HDAC4: variants seen among roughly 807,000 people sequenced by gnomAD.
The protein encoded by HDAC4 is histone deacetylase A.
Under a neutral mutation model 135.1 loss-of-function variants are expected in HDAC4, and 16 were observed. The ratio of observed to expected loss-of-function variants is 0.12; its 90% CI spans 0.08 to 0.18. The LOEUF is 0.18. HDAC4 is among the 10% of genes least tolerant of loss of function. The pLI, the probability that HDAC4 is intolerant of heterozygous loss-of-function variation, is 1.00. For missense variants in HDAC4, 1,143 were observed against 1,511.8 expected (o/e 0.76, Z 4.05); for synonymous variants, 685 against 653.4 (o/e 1.05, Z -0.74).
Position 239,299,290 on chromosome 2 carries a change from C to T in HDAC4, c.22+53388G>A, listed in dbSNP as rs184328982. ...AGAGTGAAAATGCCTCATGATTGGT[C>T]CATCCTGTACAATAGGTTTATTTGT... On this transcript the variant is annotated intron_variant, in intron 2 of 26. Transcript: ENST00000543185. The surrounding 1 kb of genome is among the most constrained non-coding windows in gnomAD (Gnocchi z 4.0). 1.6e-4 allele frequency among the ~76,000 whole-genome samples: 24 copies of T among 152,304 alleles called. 1 individual carries two copies. The East Asian group carries it at 4.4e-3, about 28-fold the overall frequency.
At chr2:239,172,277 C>G (rs1012711240) in intron 5 of HDAC4, among the ~76,000 whole-genome samples, 13 of 81,210 alleles carry the variant, frequency 1.6e-4, no homozygotes, top group East Asian at 3.3e-4. Flanking sequence ...TAGTGATTAC[C>G]AAGCTGGTGA....
chr2:239,261,319 G>A (rs1011358411), intron 2 of HDAC4, among the ~76,000 whole-genome samples: 3 of 152,220 alleles, frequency 2.0e-5, no homozygotes, highest in African/African-American at 4.8e-5. Context: ...CTAGAGATGA[G>A]ACTAAGGAGG....
chr2:239,259,814 G>A (rs1311747287), intron 2 of HDAC4, among the ~76,000 whole-genome samples: 1 of 152,246 alleles, frequency 6.6e-6, no homozygotes, highest in Non-Finnish European at 1.5e-5. Flanking sequence ...AGAGCCTGTG[G>A]TATGGCGTGA....
At chr2:239,076,067 C>T (rs972414915) in intron 22 of HDAC4, among the ~76,000 whole-genome samples, 1 of 146,880 alleles carries the variant, frequency 6.8e-6, no homozygotes, top group African/African-American at 2.6e-5. Context: ...GCCAGGATAG[C>T]AGTAGCAGGC....
intron 2 of HDAC4, among the ~76,000 whole-genome samples, chr2:239,346,504 A>T (rs906802820): frequency 6.6e-6 from 1 of 150,940 alleles, no homozygotes; most frequent in Non-Finnish European, 1.5e-5. Flanking sequence ...ACACAGTCTA[A>T]GACACACACA....
At chr2:239,380,219 C>A (rs909581255) in intron 1 of HDAC4, among the ~76,000 whole-genome samples, 1 of 152,230 alleles carries the variant, frequency 6.6e-6, no homozygotes, top group African/African-American at 2.4e-5. Flanking sequence ...GCGGAATGCG[C>A]GAGCTCTGCA....
chr2:239,166,334 T>G (rs911812415), intron 5 of HDAC4, among the ~76,000 whole-genome samples: 2 of 152,098 alleles, frequency 1.3e-5, no homozygotes, highest in African/African-American at 4.8e-5. Flanking sequence ...GCCACCGTGA[T>G]GCATGAGGCT....
chr2:239,149,012 C>T lies in HDAC4; in HGVS notation c.734-4298G>A, dbSNP rs562084211. On this transcript the variant is annotated intron_variant, in intron 7 of 26. Transcript: ENST00000543185. The stretch of plus-strand genomic sequence containing the variant: ...GTGAACGTGACACACGCTGTAATAA[C>T]GCAGGCGGGACAGGCAGTCAGGGAC... Among the ~76,000 whole-genome samples, 263 of 152,322 alleles carry T rather than the reference C, an allele frequency of 1.7e-3. 3 individuals carry two copies. In the South Asian group the frequency reaches 0.04, roughly 23 times the overall value.
chr2:239,344,330 A>G (rs1391534918), intron 2 of HDAC4, among the ~76,000 whole-genome samples: 1 of 152,218 alleles, frequency 6.6e-6, no homozygotes, highest in Non-Finnish European at 1.5e-5. Flanking sequence ...TCCAACATTC[A>G]GCATCTCAGA....
chr2:239,300,265 G>A (rs1429633055), intron 2 of HDAC4, among the ~76,000 whole-genome samples: 3 of 152,198 alleles, frequency 2.0e-5, no homozygotes, highest in Non-Finnish European at 4.4e-5. Context: ...CACTGATAAA[G>A]GATGATCCTC....
chr2:239,315,576 G>A (rs1183422402), intron 2 of HDAC4, among the ~76,000 whole-genome samples: 1 of 152,190 alleles, frequency 6.6e-6, no homozygotes. Context: ...CAGACCAGGT[G>A]ACAGTGAGAA....
At chr2:239,162,177 G>A in intron 6 of HDAC4, 1 of 456,782 alleles carries the variant, frequency 2.2e-6, no homozygotes, top group Admixed American at 2.3e-5. Context: ...CAGACTCTGT[G>A]CTCCTCTTCA....
intron 3 of HDAC4, among the ~76,000 whole-genome samples, chr2:239,200,085 AAT>A (rs2045661888): frequency 2.0e-5 from 3 of 152,168 alleles, no homozygotes; most frequent in African/African-American, 7.2e-5. Context: ...TTTCTTGGGA[AAT>A]AGTCTTAGAG....
rs2052786621 is a variant in HDAC4 at position 239,309,843 on chromosome 2, G to A, written c.22+42835C>T. On this transcript the variant is annotated intron_variant, in intron 2 of 26. Coordinates refer to ENST00000543185, the MANE Select transcript of HDAC4 (RefSeq NM_001378414.1). This position sits in a 1 kb window ranked among gnomAD's most constrained non-coding sequence, Gnocchi z 4.2. ...TCAGACCATGGATGTGGCCGTGCCA[G>A]CAGGGAGGCCAGCAGCCCCTAGCAG... is the stretch of plus-strand genomic sequence containing the variant. 6.6e-6 allele frequency among the ~76,000 whole-genome samples: 1 copy of A among 152,242 alleles called. No homozygotes were observed. The highest frequency in any genetic ancestry group is 2.1e-4 in the South Asian group (1 of 4,836).
chr2:239,314,728 A>G (rs2053042690), intron 2 of HDAC4, among the ~76,000 whole-genome samples: 1 of 152,250 alleles, frequency 6.6e-6, no homozygotes, highest in Admixed American at 6.5e-5. Flanking sequence ...CAACACATAA[A>G]GGTAAAGAGA....
chr2:239,337,792 C>G (rs1692038679), intron 2 of HDAC4, among the ~76,000 whole-genome samples: 1 of 152,154 alleles, frequency 6.6e-6, no homozygotes, highest in South Asian at 2.1e-4. Context: ...GGCAGGACAA[C>G]CGGCTTCGGC....
At chr2:239,293,314 T>C (rs1168164169) in intron 2 of HDAC4, among the ~76,000 whole-genome samples, 1 of 152,220 alleles carries the variant, frequency 6.6e-6, no homozygotes, top group Non-Finnish European at 1.5e-5. Flanking sequence ...TTCTCTGAGC[T>C]TCCCCCAAAG....
At chr2:239,268,566 T>TTG (rs1246922499) in intron 2 of HDAC4, among the ~76,000 whole-genome samples, 1 of 152,244 alleles carries the variant, frequency 6.6e-6, no homozygotes, top group East Asian at 1.9e-4. Flanking sequence ...TACAATCGGT[T>TTG]TGGTGCTCAT....
Position 239,167,250 on chromosome 2 carries a change from G to C in HDAC4, c.491-3327C>G, listed in dbSNP as rs189703433. On this transcript the variant is annotated intron_variant, in intron 5 of 26. Transcript: ENST00000543185. This position sits in a 1 kb window ranked among gnomAD's most constrained non-coding sequence, Gnocchi z 4.1. ...TACTGTGGATCCACTGGCCCTCCAC[G>C]GGGGAGGGTGCGCACTCCAGGAACA... 6.6e-6 allele frequency among the ~76,000 whole-genome samples: 1 copy of C among 152,266 alleles called. No homozygotes were observed. The highest frequency in any genetic ancestry group is 1.5e-5 in the Non-Finnish European group (1 of 67,998).
Sources: gnomAD v4.1 joint callset for allele counts (sites outside exome capture counted in the v4.1 genomes callset) on GRCh38, gnomAD v4.1.1 for gene constraint, Gnocchi (gnomAD v3.1) non-coding constraint, MANE v1.5 for transcripts, NCBI Gene and HGNC (gene_info 2026-07-23, HGNC 2026-07-21) for gene names.